Variants in PTGR1 observed in about 807,000 individuals in gnomAD.
PTGR1 encodes the protein 15-oxoprostaglandin 13-reductase.
PTGR1 carries 23 observed loss-of-function variants against 37.7 expected under a neutral mutation model. The observed-to-expected ratio is 0.61, with a 90% CI of 0.44 to 0.86. PTGR1 has a LOEUF of 0.86. Ranked by LOEUF, PTGR1 falls within the 40% of genes least tolerant of loss-of-function variation. The pLI is 0.00. For missense variants in PTGR1, 351 were observed against 394.3 expected (o/e 0.89, Z 0.93); for synonymous variants, 134 against 140.0 (o/e 0.96, Z 0.30).
chr9:111,586,209 CT>C, intron 4 of PTGR1, 44 bp from the exon 5 acceptor site: 3 of 1,587,912 alleles, frequency 1.9e-6, no homozygotes, highest in Non-Finnish European at 2.6e-6. Context: ...TGTGACATGT[CT>C]TCCCTTTCAA....
At chr9:111,585,544 G>T (rs528158613) in intron 5 of PTGR1, among the ~76,000 whole-genome samples, 211 of 152,282 alleles carry the variant, frequency 1.4e-3, no homozygotes, top group African/African-American at 4.9e-3. Flanking sequence ...TGCCGGGCAT[G>T]GTGGGTCTAA....
Position 111,570,237 on chromosome 9 carries a change from GCAGGATC to G in PTGR1, c.761-35_761-29del, listed in dbSNP as rs779105749. 1.2e-5 allele frequency: 20 copies of G among 1,602,344 alleles called. 1 individual carries two copies. The East Asian group carries it at 4.2e-4, about 34-fold the overall frequency. Reference sequence around the variant, plus strand: ...GTGAAGAGAAGGGCACATTTGGGTGGCAGGATCCAGGGAGGTGCCCATGGTGAAACAA... The same window carrying G: ...GTGAAGAGAAGGGCACATTTGGGTGGCAGGGAGGTGCCCATGGTGAAACAA... On this transcript the variant is annotated intron_variant, in intron 8 of 9. Coordinates refer to ENST00000407693, the MANE Select transcript of PTGR1 (RefSeq NM_001146108.2).
At position 111,574,616 on chromosome 9, in the gene PTGR1, A is replaced by G. The variant is rs1828975937; in HGVS notation, c.760+118T>C. On this transcript the variant is annotated intron_variant, in intron 8 of 9. Coordinates refer to ENST00000407693, the MANE Select transcript of PTGR1 (RefSeq NM_001146108.2). ...TGAGACTCTGTCTTAAAAAAAAAAA[A>G]AAAAGAATATATGAAAATCTTTCTA... is the stretch of plus-strand genomic sequence containing the variant. 4.1e-6 allele frequency: 3 copies of G among 726,062 alleles called. No individual in the cohort carries two copies. In the African/African-American group the frequency reaches 5.6e-5, roughly 13 times the overall value. The allele number at this position is 726,062 out of a possible 1,614,324, so 45.0% of individuals were successfully genotyped here. A position where few individuals can be genotyped will look rare whatever the true frequency, so the allele number is the denominator to read the frequency against.
At chr9:111,591,285 G>A (rs1019937261) in intron 4 of PTGR1, among the ~76,000 whole-genome samples, 4 of 150,104 alleles carry the variant, frequency 2.7e-5, no homozygotes, top group Non-Finnish European at 4.4e-5. Context: ...CAACAAGAGT[G>A]AGACTCCGTC....
intron 1 of PTGR1, among the ~76,000 whole-genome samples, chr9:111,598,987 T>A (rs1410981337): frequency 2.0e-5 from 3 of 152,116 alleles, no homozygotes; most frequent in Non-Finnish European, 4.4e-5. Context: ...ACCATCATTC[T>A]AGTCGTTATT....
intron 9 of PTGR1, among the ~76,000 whole-genome samples, chr9:111,566,476 T>C (rs747212851): frequency 2.6e-5 from 4 of 152,192 alleles, no homozygotes; most frequent in African/African-American, 4.8e-5. Context: ...GAAATGATCA[T>C]TGGCCAGGGA....
rs114301697 is a variant in PTGR1 at position 111,588,100 on chromosome 9, A to G, written c.210-1935T>C. Among the ~76,000 whole-genome samples the G allele has an allele frequency of 5.7e-3, 855 of 149,666 alleles. 12 individuals carry two copies. Among genetic ancestry groups the G allele is most frequent in the African/African-American group, 0.02 (807 of 40,614 alleles). On this transcript the variant is annotated intron_variant, in intron 4 of 9. Transcript: ENST00000407693. ...GCGATCATGGCTCACTGCAACCTCA[A>G]CCTCCCCTGAGCTCAAATGATCCTC...
chr9:111,593,410 G>C (rs917826090), intron 3 of PTGR1, among the ~76,000 whole-genome samples: 5 of 152,074 alleles, frequency 3.3e-5, no homozygotes, highest in African/African-American at 4.8e-5. Context: ...TTATCAATCA[G>C]CTATGAAAAA....
At chr9:111,563,367 G>T in intron 9 of PTGR1, 136 bp from the exon 10 acceptor site, 1 of 851,452 alleles carries the variant, frequency 1.2e-6, no homozygotes, top group Non-Finnish European at 1.7e-6. Context: ...TGTCCTCCAT[G>T]AACTTGAAGT....
At chr9:111,572,048 C>T (rs1291155930) in intron 8 of PTGR1, among the ~76,000 whole-genome samples, 1 of 152,216 alleles carries the variant, frequency 6.6e-6, no homozygotes, top group Non-Finnish European at 1.5e-5. Flanking sequence ...TCCAGGAAGT[C>T]AGGCGAAGAT....
intron 8 of PTGR1, among the ~76,000 whole-genome samples, chr9:111,572,756 C>CAAAAAAAAAAAAAAAAAAAAAAAAAAAAA (rs58101079): frequency 1.6e-5 from 1 of 63,512 alleles, no homozygotes; most frequent in Non-Finnish European, 2.8e-5. Context: ...GACCCTGTCT[C>CAAAAAAAAAAAAAAAAAAAAAAAAAAAAA]AAAAAAAAAA....
At chr9:111,598,350 T>C (rs1021473925) in intron 1 of PTGR1, among the ~76,000 whole-genome samples, 14 of 151,996 alleles carry the variant, frequency 9.2e-5, no homozygotes, top group Non-Finnish European at 2.1e-4. Context: ...ACGAAACCAT[T>C]TGGAGCTGCC....
chr9:111,584,172 G>A (rs1396339547), intron 5 of PTGR1, among the ~76,000 whole-genome samples: 1 of 152,238 alleles, frequency 6.6e-6, no homozygotes, highest in Non-Finnish European at 1.5e-5. Flanking sequence ...AGCACTGGCA[G>A]TACTGATGGG....
chr9:111,575,417 CCTCATTGTCTTAT>C (rs1829016009), intron 7 of PTGR1: 1 of 152,194 alleles, frequency 6.6e-6, no homozygotes, highest in African/African-American at 2.4e-5. Flanking sequence ...AGTCCAATAA[CCTCATTGTCTTAT>C]AATTTAAAGG....
In PTGR1 at chr9:111,586,097, G is replaced by A. The variant is rs181736308; in HGVS notation, c.278C>T (p.Thr93Met). Residue 93 changes from threonine to methionine, a missense_variant, in exon 5 of 10, where the codon ACG (threonine) becomes ATG (methionine). Coordinates refer to ENST00000407693, the MANE Select transcript of PTGR1 (RefSeq NM_001146108.2). ...ATCTTTCCCATCAGAAATGGAGTGC[G>A]TTGTCCAGCCTGGAGAAGCCAGTAC... ...TIVLASPGWTTHSISDGKDLE... is the reference protein window; with the variant it reads ...TIVLASPGWTMHSISDGKDLE... The A allele has an allele frequency of 1.3e-5, 21 of 1,614,178 alleles. No homozygotes were observed. The highest frequency in any genetic ancestry group is 6.6e-5 in the South Asian group (6 of 91,080).
chr9:111,569,310 C>CT (rs1226140461), intron 9 of PTGR1, among the ~76,000 whole-genome samples: 1 of 152,094 alleles, frequency 6.6e-6, no homozygotes, highest in Non-Finnish European at 1.5e-5. Flanking sequence ...TAAAGAAAAG[C>CT]TAGCAAGAGT....
chr9:111,555,334 T>C (rs1183662303), intron 9 of PTGR1, among the ~76,000 whole-genome samples: 1 of 152,104 alleles, frequency 6.6e-6, no homozygotes, highest in East Asian at 1.9e-4. Context: ...TTTCAAACTC[T>C]TTAGCCTCTG....
rs765255308 is a variant in PTGR1 at position 111,574,743 on chromosome 9, G to A, written c.751C>T (p.Leu251Phe). Reference sequence around the variant, plus strand: ...TGCATGTGCTCATTACCTGGGGGAAGTGGGCCGGTTCTGTTATATGTAGAG... The same window carrying A: ...TGCATGTGCTCATTACCTGGGGGAAATGGGCCGGTTCTGTTATATGTAGAG... ...AISTYNRTGP[L>F]PPGPPPEIVI... The change falls in exon 8 of 10, where the codon CTT becomes TTT. Residue 251 changes from leucine to phenylalanine, a missense_variant. Physicochemically the swap from Leu to Phe is conservative, Grantham distance 22 (BLOSUM62 0). Transcript: ENST00000407693. 20 of 1,611,878 alleles carry A rather than the reference G, an allele frequency of 1.2e-5. No homozygotes were observed. The South Asian group carries it at 2.0e-4, about 16-fold the overall frequency.
At chr9:111,553,546 G>GA (rs541993481) in intron 9 of PTGR1, among the ~76,000 whole-genome samples, 6 of 150,988 alleles carry the variant, frequency 4.0e-5, no homozygotes, top group East Asian at 1.9e-4. Flanking sequence ...TCCGTGCATA[G>GA]AAAAAAAAAT....
Sources: allele counts gnomAD v4.1 joint callset (sites outside exome capture counted in the v4.1 genomes callset), GRCh38; gene constraint gnomAD v4.1.1; transcripts MANE v1.5; gene names NCBI Gene and HGNC (gene_info 2026-07-23, HGNC 2026-07-21).